Variants in IQSEC3 observed in about 807,000 individuals in gnomAD.
IQSEC3 encodes IQ motif and SEC7 domain-containing protein 3.
Under a neutral mutation model 105.4 loss-of-function variants are expected in IQSEC3, and 50 were observed. That is an observed-to-expected ratio of 0.47 (90% CI 0.38 to 0.60). The LOEUF (loss-of-function observed/expected upper bound fraction) is 0.60. Ranked by LOEUF, IQSEC3 falls within the 20% of genes least tolerant of loss-of-function variation. The pLI, the probability that IQSEC3 is intolerant of heterozygous loss-of-function variation, is 0.00. For synonymous variants in IQSEC3, 708 were observed against 746.0 expected, an observed-to-expected ratio of 0.95 and a Z score of 0.83; for missense variants, 1,415 against 1,630.0, an observed-to-expected ratio of 0.87 and a Z score of 2.27.
chr12:96,162 C>T (rs1223831966), intron 1 of IQSEC3, among the ~76,000 whole-genome samples: 5 of 152,124 alleles, frequency 3.3e-5, no homozygotes, highest in African/African-American at 1.2e-4. Flanking sequence ...TTGGTTCAAT[C>T]TGGAAGGGTG....
At chr12:87,334 A>G (rs1364367017) in intron 1 of IQSEC3, among the ~76,000 whole-genome samples, 2 of 152,122 alleles carry the variant, frequency 1.3e-5, no homozygotes, top group African/African-American at 2.4e-5. Flanking sequence ...ACCATGCAAA[A>G]AAAGTACTAG....
intron 1 of IQSEC3, among the ~76,000 whole-genome samples, chr12:68,761 C>T (rs1248839060): frequency 6.6e-6 from 1 of 152,228 alleles, no homozygotes. Context: ...TCCTTCAAAA[C>T]TCATTTTCTT....
chr12:92,568 A>T (rs1366898793), intron 1 of IQSEC3, among the ~76,000 whole-genome samples: 1 of 152,168 alleles, frequency 6.6e-6, no homozygotes, highest in Non-Finnish European at 1.5e-5. Flanking sequence ...ACTCGGGCCT[A>T]CGGGGACCTC....
intron 1 of IQSEC3, among the ~76,000 whole-genome samples, chr12:75,930 G>T (rs1437886996): frequency 4.6e-5 from 7 of 152,228 alleles, no homozygotes; most frequent in Admixed American, 1.3e-4. Context: ...AGACGGATGA[G>T]GGGTGAGGAG....
chr12:118,863 G>A (rs1865131309), intron 2 of IQSEC3, among the ~76,000 whole-genome samples: 1 of 152,200 alleles, frequency 6.6e-6, no homozygotes, highest in African/African-American at 2.4e-5. Flanking sequence ...GTGGCTGCCA[G>A]GGCCTGCCTG....
chr12:85,825 G>A (rs556952231), intron 1 of IQSEC3, among the ~76,000 whole-genome samples: 18 of 152,318 alleles, frequency 1.2e-4, no homozygotes, highest in Admixed American at 1.3e-4. Flanking sequence ...TGCCTTGAGC[G>A]TGTGTTGATA....
Position 141,399 on chromosome 12 carries a change from T to G in IQSEC3, c.2153+114T>G. ...GCTCCAGTTCTAACAGCTTCCAGCT[T>G]CCAGATTGTCCACAGGAACCAGAAT... On this transcript the variant is annotated intron_variant, in intron 5 of 13. Coordinates refer to ENST00000538872, the MANE Select transcript of IQSEC3 (RefSeq NM_001170738.2). The G allele has an allele frequency of 2.6e-6, 3 of 1,140,452 alleles. No homozygotes were observed. In the South Asian group the frequency reaches 4.5e-5, roughly 17 times the overall value. 70.6% of individuals were successfully genotyped at this position (1,140,452 alleles called of 1,614,324 possible).
intron 1 of IQSEC3, among the ~76,000 whole-genome samples, chr12:78,121 C>G (rs1457974344): frequency 1.3e-5 from 2 of 150,956 alleles, no homozygotes; most frequent in African/African-American, 4.8e-5. Context: ...GCGCCCCCGC[C>G]TCCCCGCGCC....
intron 2 of IQSEC3, among the ~76,000 whole-genome samples, chr12:111,052 G>A (rs949682504): frequency 2.6e-5 from 4 of 152,136 alleles, no homozygotes; most frequent in Non-Finnish European, 1.5e-5. Flanking sequence ...GCCCTGTTCT[G>A]TTCTTCCTGA....
intron 3 of IQSEC3, among the ~76,000 whole-genome samples, chr12:127,723 T>G (rs61550630): frequency 0.046 from 7,074 of 152,212 alleles, 543 homozygotes; most frequent in African/African-American, 0.16. Context: ...TTGATGGGGT[T>G]GTTTGTTTTT....
intron 1 of IQSEC3, among the ~76,000 whole-genome samples, chr12:80,536 T>C (rs1863708581): frequency 6.6e-6 from 1 of 152,246 alleles, no homozygotes; most frequent in Non-Finnish European, 1.5e-5. Flanking sequence ...AAAGCTTGTT[T>C]TCTTCTTTCT....
chr12:139,379 C>CG, intron 4 of IQSEC3, 25 bp downstream of exon 4: 1 of 1,510,922 alleles, frequency 6.6e-7, no homozygotes, highest in Non-Finnish European at 8.9e-7. Flanking sequence ...GCCCCCAGCC[C>CG]GGAGTCCTGG....
intron 13 of IQSEC3, among the ~76,000 whole-genome samples, chr12:173,899 G>T (rs1939137005): frequency 6.6e-6 from 1 of 152,172 alleles, no homozygotes; most frequent in Admixed American, 6.5e-5. Context: ...CCCCGCCTTG[G>T]GGATCAAGGT....
intron 7 of IQSEC3, among the ~76,000 whole-genome samples, chr12:159,024 C>T (rs1290411434): frequency 1.3e-5 from 2 of 152,170 alleles, no homozygotes; most frequent in Non-Finnish European, 2.9e-5. Flanking sequence ...AAGGATTTAG[C>T]CCTCTTTCAT....
rs2137065515 is a variant in IQSEC3 at position 169,069 on chromosome 12, CA to C, written c.3029del (p.Gln1010ArgfsTer105). On this transcript the variant is annotated frameshift_variant, in exon 12 of 14. Transcript: ENST00000538872. LOFTEE classifies it high-confidence loss of function. ...KTLSFKPCGA[Q>X]GDPQSKQGSP... ...ACTCTCCTTCAAGCCCTGCGGAGCC[CA>C]GGGGGACCCACAGTCAAAGCAAGGA... 1 of 1,614,008 alleles carries C rather than the reference CA, an allele frequency of 6.2e-7. No individual in the cohort carries two copies.
chr12:112,786 C>T (rs1174559557), intron 2 of IQSEC3, among the ~76,000 whole-genome samples: 3 of 152,044 alleles, frequency 2.0e-5, no homozygotes, highest in Non-Finnish European at 4.4e-5. Flanking sequence ...TGGTGGGGTG[C>T]GAATGTTGAC....
At chr12:171,061 G>T in intron 12 of IQSEC3, 51 bp from the exon 13 acceptor site, 1 of 1,609,674 alleles carries the variant, frequency 6.2e-7, no homozygotes, top group African/African-American at 1.3e-5. Flanking sequence ...GGAGGGGCAG[G>T]GGCTTGGCTC....
intron 1 of IQSEC3, among the ~76,000 whole-genome samples, chr12:76,567 T>A (rs1470173449): frequency 6.6e-6 from 1 of 152,266 alleles, no homozygotes; most frequent in Non-Finnish European, 1.5e-5. Context: ...GCATGAAGTG[T>A]TTCATCTCCA....
intron 1 of IQSEC3, 32 bp from the exon 2 acceptor site, chr12:99,114 G>A: frequency 6.3e-7 from 1 of 1,585,754 alleles, no homozygotes; most frequent in Non-Finnish European, 8.5e-7. Flanking sequence ...GCCTGCCTCA[G>A]GCGCTCTGAT....
Sources: gnomAD v4.1 joint callset for allele counts (sites outside exome capture counted in the v4.1 genomes callset) on GRCh38, gnomAD v4.1.1 for gene constraint, MANE v1.5 for transcripts, NCBI Gene and HGNC (gene_info 2026-07-23, HGNC 2026-07-21) for gene names.